Variants in THOP1 observed in about 807,000 individuals in gnomAD.
THOP1 encodes thimet oligopeptidase 1.
Under a neutral mutation model 71.8 loss-of-function variants are expected in THOP1, and 49 were observed. That is an observed-to-expected ratio of 0.68 (90% CI 0.54 to 0.87). The LOEUF (loss-of-function observed/expected upper bound fraction) is 0.87. Among genes scored for constraint, THOP1 ranks in the 40% least tolerant of loss-of-function variants. The pLI is 0.00. For synonymous variants in THOP1, 426 were observed against 421.5 expected, an observed-to-expected ratio of 1.01 and a Z score of -0.13; for missense variants, 843 against 975.6, an observed-to-expected ratio of 0.86 and a Z score of 1.81.
At position 2,807,770 on chromosome 19, in the gene THOP1, G is replaced by A. The variant is rs1165553784; in HGVS notation, c.1215G>A (p.Gly405=). The part of the protein sequence containing the change: ...RLYTARDAAS[G]EVVGKFYLDL... The stretch of plus-strand genomic sequence containing the variant: ...ACACCGCGAGGGACGCGGCCTCGGG[G>A]GAGGTGGTCGGCAAGTTCTACCTGG... Residue 405 remains glycine (G), a synonymous_variant, in exon 8 of 13, where the codon GGG becomes GGA. Coordinates refer to ENST00000307741, the MANE Select transcript of THOP1 (RefSeq NM_003249.5). 3 of 1,536,480 alleles carry A rather than the reference G, an allele frequency of 2.0e-6. No homozygotes were observed. Among genetic ancestry groups the A allele is most frequent in the Non-Finnish European group, 2.6e-6 (3 of 1,138,680 alleles).
chr19:2,803,230 G>C (rs565162717), intron 5 of THOP1, among the ~76,000 whole-genome samples: 2 of 152,190 alleles, frequency 1.3e-5, no homozygotes, highest in African/African-American at 4.8e-5. Context: ...CCTGGGCACC[G>C]TTAACAGTTA....
rs752714345 is a variant in THOP1, at chr19:2,807,704, C to G, written c.1149C>G (p.His383Gln). 1 of 1,603,416 alleles carries G rather than the reference C, an allele frequency of 6.2e-7. No individual in the cohort carries two copies. Among genetic ancestry groups the G allele is most frequent in the African/African-American group, 1.3e-5 (1 of 74,862 alleles). ...YQELLGLAFH[H>Q]EEGASAWHED... ...AGCTCCTGGGGCTGGCCTTCCACCA[C>G]GAGGAGGGCGCCAGTGCCTGGCATG... The change falls in exon 8 of 13, where the codon CAC (histidine) becomes CAG (glutamine). Residue 383 changes from histidine (H) to glutamine (Q), a missense_variant. Physicochemically the swap from His to Gln is conservative, Grantham distance 24. Transcript: ENST00000307741.
In THOP1 at chr19:2,810,163, A is replaced by G. The variant is rs951847994; in HGVS notation, c.1456-141A>G. ...GGCCTCCGGGTCCCGGTCGTTTTCCAGTTTTGGGGTGGGAGGGCCGGGCCC... is the reference window on the plus strand; with the variant it reads ...GGCCTCCGGGTCCCGGTCGTTTTCCGGTTTTGGGGTGGGAGGGCCGGGCCC... On this transcript the variant is annotated intron_variant, in intron 9 of 12. Transcript: ENST00000307741. The G allele has an allele frequency of 1.0e-5, 11 of 1,053,806 alleles. No individual in the cohort carries two copies. The African/African-American group carries it at 1.2e-4, about 11-fold the overall frequency. 65.3% of individuals were successfully genotyped at this position (1,053,806 alleles called of 1,614,324 possible).
chr19:2,794,894 G>T lies in THOP1; in HGVS notation c.360G>T (p.Gln120His), dbSNP rs1330385055. 1.2e-6 allele frequency: 2 copies of T among 1,613,052 alleles called. No homozygotes were observed. Among genetic ancestry groups the T allele is most frequent in the South Asian group, 1.1e-5 (1 of 91,064 alleles). Residue 120 changes from glutamine to histidine, a missense_variant, in exon 3 of 13, where the codon CAG becomes CAT. By Grantham distance (24) the Gln-to-His change is conservative. Transcript: ENST00000307741. ...VEMSMREDVY[Q>H]RIVWLQEKVQ... The stretch of plus-strand genomic sequence containing the variant: ...TGAGCATGAGGGAGGACGTGTACCA[G>T]AGGATCGTGTGGCTCCAGGTGAGGG...
Position 2,808,893 on chromosome 19 carries a change from T to C in THOP1, c.1455+449T>C, listed in dbSNP as rs183220203. On this transcript the variant is annotated intron_variant, in intron 9 of 12. Coordinates refer to ENST00000307741, the MANE Select transcript of THOP1 (RefSeq NM_003249.5). ...TAGTGACCTCCTTAGACATCCTGTC[T>C]CTAAGTAGTCACATCCTGGCCAGGC... Among the ~76,000 whole-genome samples the C allele has an allele frequency of 1.1e-4, 16 of 152,310 alleles. No homozygotes were observed. In the East Asian group the frequency reaches 2.7e-3, roughly 26 times the overall value.
rs143454933 is a variant in THOP1 at position 2,786,501 on chromosome 19, G to A, written c.16+823G>A. On this transcript the variant is annotated intron_variant, in intron 1 of 12. Transcript: ENST00000307741. The stretch of plus-strand genomic sequence containing the variant: ...AATCCACCTGCCTCGGCCTCCCAAA[G>A]TGCTGGGATTACAGACATGAGCCAC... Among the ~76,000 whole-genome samples the A allele has an allele frequency of 3.1e-3, 475 of 152,194 alleles. 3 individuals carry two copies. Among genetic ancestry groups the A allele is most frequent in the African/African-American group, 0.011 (438 of 41,506 alleles).
At chr19:2,809,208 G>T (rs1916392572) in intron 9 of THOP1, among the ~76,000 whole-genome samples, 1 of 152,216 alleles carries the variant, frequency 6.6e-6, no homozygotes, top group African/African-American at 2.4e-5. Flanking sequence ...ACACCTTACT[G>T]CTGTACAGCG....
rs550424351 is a variant in THOP1, at chr19:2,813,263, C to A, written c.2057C>A (p.Pro686Gln). The change falls in exon 13 of 13, where the codon CCG (proline) becomes CAG (glutamine). Residue 686 changes from proline (P) to glutamine (Q), a missense_variant. Pro to Gln is a moderately conservative substitution (Grantham distance 76). Coordinates refer to ENST00000307741, the MANE Select transcript of THOP1 (RefSeq NM_003249.5). ...GLQVGGCEPE[P>Q]QVC Reference sequence around the variant, plus strand: ...CAGGTCGGGGGCTGCGAGCCCGAGCCGCAGGTCTGCTGAGGCCTGGCACTG... The same window carrying A: ...CAGGTCGGGGGCTGCGAGCCCGAGCAGCAGGTCTGCTGAGGCCTGGCACTG... 6.2e-7 allele frequency: 1 copy of A among 1,609,880 alleles called. No homozygotes were observed. Among genetic ancestry groups the A allele is most frequent in the Non-Finnish European group, 8.5e-7 (1 of 1,179,110 alleles).
intron 5 of THOP1, among the ~76,000 whole-genome samples, chr19:2,800,098 G>A (rs1275176356): frequency 6.6e-6 from 1 of 152,212 alleles, no homozygotes; most frequent in East Asian, 1.9e-4. Context: ...GGTGGCCAAG[G>A]GTGCCAGTCT....
chr19:2,803,961 T>C (rs1916222470), intron 5 of THOP1, among the ~76,000 whole-genome samples: 1 of 152,154 alleles, frequency 6.6e-6, no homozygotes, highest in Non-Finnish European at 1.5e-5. Context: ...CCAATCATTC[T>C]TTCCACCCTG....
chr19:2,796,268 C>T (rs181741829), intron 4 of THOP1, 80 bp downstream of exon 4: 2 of 1,186,138 alleles, frequency 1.7e-6, no homozygotes, highest in Admixed American at 2.1e-5. Context: ...GTGCTCAGTC[C>T]CAGGGAGTGG....
chr19:2,812,462 C>G (rs1408194880), intron 12 of THOP1: 6 of 1,372,634 alleles, frequency 4.4e-6, no homozygotes, highest in African/African-American at 1.5e-5. Context: ...CCGACAAGCC[C>G]CCTGTCTTCA....
chr19:2,792,609 A>G (rs1159051853), intron 2 of THOP1, among the ~76,000 whole-genome samples: 1 of 151,742 alleles, frequency 6.6e-6, no homozygotes, highest in African/African-American at 2.4e-5. Context: ...GCTGCAAAGT[A>G]TATGCTTTTT....
At chr19:2,807,370 C>T (rs1042995877) in intron 7 of THOP1, 72 bp from the exon 8 acceptor site, 34 of 1,484,924 alleles carry the variant, frequency 2.3e-5, no homozygotes, top group East Asian at 2.1e-4. Context: ...AAGTCGCGGC[C>T]GCGGGCGGGC....
intron 1 of THOP1, among the ~76,000 whole-genome samples, chr19:2,787,372 G>A (rs919785593): frequency 3.3e-5 from 5 of 152,168 alleles, no homozygotes; most frequent in Non-Finnish European, 5.9e-5. Context: ...AATGTTGTCT[G>A]CCTTGTTTGC....
At chr19:2,811,399 AG>A (rs1219596382) in intron 11 of THOP1, among the ~76,000 whole-genome samples, 198 bp from the exon 12 acceptor site, 1 of 151,922 alleles carries the variant, frequency 6.6e-6, no homozygotes, top group Non-Finnish European at 1.5e-5. Flanking sequence ...CTTCCAGGAG[AG>A]GGGGCGGAGA....
intron 5 of THOP1, among the ~76,000 whole-genome samples, chr19:2,802,233 ACC>A (rs1916162334): frequency 2.7e-5 from 1 of 37,418 alleles, no homozygotes. Context: ...CTCCTGACCC[ACC>A]CACCTCCCAA....
At chr19:2,809,012 G>T (rs141659585) in intron 9 of THOP1, among the ~76,000 whole-genome samples, 1 of 152,354 alleles carries the variant, frequency 6.6e-6, no homozygotes, top group Non-Finnish European at 1.5e-5. Flanking sequence ...GGCCAACATG[G>T]TGCCATCTTG....
Position 2,808,264 on chromosome 19 carries a change from G to A in THOP1, c.1275G>A (p.Ala425=), listed in dbSNP as rs768972767. 77 of 1,550,764 alleles carry A rather than the reference G, an allele frequency of 5.0e-5. No homozygotes were observed. The highest frequency in any genetic ancestry group is 1.6e-4 in the African/African-American group (12 of 73,202). The change falls in exon 9 of 13, where the codon GCG becomes GCA. Residue 425 remains alanine (A), a synonymous_variant. Transcript: ENST00000307741. ...LYPREGKYGH[A]ACFGLQPGCL... ...CCAGGGAAGGAAAGTACGGGCACGC[G>A]GCCTGCTTTGGCCTGCAGCCCGGCT...
Sources: gnomAD v4.1 joint callset for allele counts (sites outside exome capture counted in the v4.1 genomes callset) on GRCh38, gnomAD v4.1.1 for gene constraint, MANE v1.5 for transcripts, NCBI Gene and HGNC (gene_info 2026-07-23, HGNC 2026-07-21) for gene names.